CCM2: variants seen among roughly 807,000 people sequenced by gnomAD.
CCM2 encodes CCM2 scaffold protein, also known as cerebral cavernous malformations 2 protein.
Under a neutral mutation model 44.9 loss-of-function variants are expected in CCM2, and 25 were observed. The observed-to-expected ratio is 0.56, with a 90% CI of 0.41 to 0.78. The LOEUF (loss-of-function observed/expected upper bound fraction) is 0.78. CCM2 is among the 30% of genes least tolerant of loss of function. CCM2 has a pLI of 0.00. For synonymous variants in CCM2, 219 were observed against 241.1 expected, an observed-to-expected ratio of 0.91 and a Z score of 0.85; for missense variants, 481 against 580.6, an observed-to-expected ratio of 0.83 and a Z score of 1.76.
At chr7:45,004,160 C>G (rs1795754234) in intron 1 of CCM2, among the ~76,000 whole-genome samples, 1 of 151,952 alleles carries the variant, frequency 6.6e-6, no homozygotes, top group Non-Finnish European at 1.5e-5. Context: ...GACAGCAAGA[C>G]CCTGTCTCAA....
chr7:45,028,293 C>G (rs1323131548), intron 1 of CCM2, among the ~76,000 whole-genome samples: 1 of 152,198 alleles, frequency 6.6e-6, no homozygotes, highest in Non-Finnish European at 1.5e-5. Context: ...CTCCTGTGGG[C>G]ACTAAGGTGC....
At chr7:45,065,846 C>T (rs146109666) in intron 4 of CCM2, among the ~76,000 whole-genome samples, 46 of 152,322 alleles carry the variant, frequency 3.0e-4, no homozygotes, top group Non-Finnish European at 5.4e-4. Flanking sequence ...TTGGTGGCTC[C>T]TTCCAGCCAT....
intron 1 of CCM2, among the ~76,000 whole-genome samples, chr7:45,015,374 G>A (rs1427196924): frequency 6.6e-6 from 1 of 152,188 alleles, no homozygotes; most frequent in Non-Finnish European, 1.5e-5. Flanking sequence ...CTCAGCTGAA[G>A]ACATGCTGCT....
intron 2 of CCM2, among the ~76,000 whole-genome samples, chr7:45,061,590 C>G (rs984803344): frequency 2.0e-5 from 3 of 151,896 alleles, no homozygotes; most frequent in Admixed American, 6.6e-5. Flanking sequence ...ATCTCAGCCT[C>G]CTGAGTAGCT....
intron 1 of CCM2, among the ~76,000 whole-genome samples, chr7:45,028,978 G>A (rs1484404514): frequency 6.6e-6 from 1 of 152,162 alleles, no homozygotes; most frequent in African/African-American, 2.4e-5. Flanking sequence ...GATGGCAGGT[G>A]TCTCTCTGGG....
intron 8 of CCM2, 28 bp downstream of exon 8, chr7:45,073,599 C>G (rs1283710588): frequency 6.6e-7 from 1 of 1,514,816 alleles, no homozygotes; most frequent in Admixed American, 1.7e-5. Flanking sequence ...GGACGCTGGG[C>G]TGCATGAGGG....
chr7:45,010,399 C>T (rs997184128), intron 1 of CCM2, among the ~76,000 whole-genome samples: 7 of 152,238 alleles, frequency 4.6e-5, no homozygotes, highest in Non-Finnish European at 1.0e-4. Flanking sequence ...TAATTTTGTT[C>T]ATTCTAGAAC....
At chr7:45,043,663 A>G in intron 2 of CCM2, 1 of 380,202 alleles carries the variant, frequency 2.6e-6, no homozygotes, top group South Asian at 1.9e-5. Context: ...ATTTTAATTA[A>G]CATTTCTTCA....
At chr7:45,075,717 G>C in intron 9 of CCM2, 60 bp from the exon 10 acceptor site, 3 of 1,609,694 alleles carry the variant, frequency 1.9e-6, no homozygotes, top group Non-Finnish European at 2.5e-6. Context: ...AGCCCTGAGA[G>C]AAGAGCTGAG....
intron 7 of CCM2, 164 bp from the exon 8 acceptor site, chr7:45,073,296 C>T: frequency 1.5e-6 from 1 of 651,790 alleles, no homozygotes; most frequent in Non-Finnish European, 2.8e-6. Context: ...AAGCTGACCA[C>T]CCTGCATGCC....
At chr7:45,066,901 ATT>A (rs34087646) in intron 4 of CCM2, among the ~76,000 whole-genome samples, 48 of 143,706 alleles carry the variant, frequency 3.3e-4, no homozygotes, top group Middle Eastern at 3.6e-3. Context: ...AAACCAGTAA[ATT>A]TTTTTTTTTT....
intron 4 of CCM2, among the ~76,000 whole-genome samples, chr7:45,066,676 G>C (rs552863514): frequency 6.6e-6 from 1 of 152,220 alleles, no homozygotes; most frequent in Admixed American, 6.5e-5. Context: ...GACTTGAGTT[G>C]GTGCCAGATG....
intron 1 of CCM2, among the ~76,000 whole-genome samples, chr7:45,001,491 G>A (rs1307676745): frequency 6.6e-6 from 1 of 152,256 alleles, no homozygotes; most frequent in Admixed American, 6.5e-5. Context: ...GGAGTTAGCT[G>A]GAAAGGAGAG....
At position 45,068,033 on chromosome 7, in the gene CCM2, T is replaced by G. The variant is rs1798867235; in HGVS notation, c.473-410T>G. The G allele has an allele frequency of 1.1e-5, 3 of 279,132 alleles. No homozygotes were observed. In the South Asian group the frequency reaches 1.1e-4, roughly 10 times the overall value. 17.3% of individuals were successfully genotyped at this position (279,132 alleles called of 1,614,324 possible). A position where few individuals can be genotyped will look rare whatever the true frequency, so the allele number is the denominator to read the frequency against. On this transcript the variant is annotated intron_variant, in intron 4 of 9. Coordinates refer to ENST00000258781, the MANE Select transcript of CCM2 (RefSeq NM_031443.4). ...GGCACTGGGGTCTGACCGTCTAGAT[T>G]GCCATGTGGACAGTGCAACTCACAC...
intron 2 of CCM2, among the ~76,000 whole-genome samples, chr7:45,042,220 C>T (rs144114273): frequency 0.021 from 2,960 of 140,704 alleles, 54 homozygotes; most frequent in East Asian, 0.041. Flanking sequence ...GAGCTGAGAT[C>T]TCACCACTGC....
At chr7:45,059,565 C>G (rs1282399808) in intron 2 of CCM2, among the ~76,000 whole-genome samples, 2 of 152,018 alleles carry the variant, frequency 1.3e-5, no homozygotes, top group Admixed American at 6.6e-5. Context: ...GGCAACATGG[C>G]AAAACCCCGT....
intron 1 of CCM2, chr7:45,027,941 T>C: frequency 1.2e-6 from 1 of 860,990 alleles, no homozygotes; most frequent in Non-Finnish European, 1.9e-6. Flanking sequence ...TTTGGGAGGA[T>C]GGGGTGGGTG....
intron 1 of CCM2, among the ~76,000 whole-genome samples, chr7:45,013,041 T>A (rs903371983): frequency 4.6e-5 from 7 of 152,194 alleles, no homozygotes; most frequent in African/African-American, 1.7e-4. Flanking sequence ...ATATTTGTTT[T>A]CTCTTTCCCT....
At position 45,050,193 on chromosome 7, in the gene CCM2, T is replaced by C. The variant is rs539019792; in HGVS notation, c.204+11767T>C. Among the ~76,000 whole-genome samples, 5 of 152,366 alleles carry C rather than the reference T, an allele frequency of 3.3e-5. No individual in the cohort carries two copies. The South Asian group carries it at 1.0e-3, about 32-fold the overall frequency. On this transcript the variant is annotated intron_variant, in intron 2 of 9. Coordinates refer to ENST00000258781, the MANE Select transcript of CCM2 (RefSeq NM_031443.4). ...TACAGTTGCCTGCCTGCAGTATTCA[T>C]ACATTAACATGCTGTACAGGTTGTA...
Sources: allele counts gnomAD v4.1 joint callset (sites outside exome capture counted in the v4.1 genomes callset), GRCh38; gene constraint gnomAD v4.1.1; transcripts MANE v1.5; gene names NCBI Gene and HGNC (gene_info 2026-07-23, HGNC 2026-07-21).